The following CENPP variants were observed in gnomAD, a reference collection of about 807,000 sequenced individuals.
CENPP encodes centromere protein P.
In CENPP, 24 loss-of-function variants were observed where a neutral mutation model predicts 35.6. The observed-to-expected ratio is 0.67, with a 90% CI of 0.49 to 0.95. The LOEUF (loss-of-function observed/expected upper bound fraction) is 0.95. Ranked by LOEUF, CENPP falls within the 40% of genes least tolerant of loss-of-function variation. The probability of loss-of-function intolerance (pLI) is 0.00; values close to 1 mark genes in which losing one functional copy is unlikely to be tolerated. For missense variants in CENPP, 332 were observed against 345.3 expected (o/e 0.96, Z 0.31); for synonymous variants, 120 against 125.5 (o/e 0.96, Z 0.29).
chr9:92,474,380 T>G lies in CENPP; in HGVS notation c.564+94521T>G, dbSNP rs148322348. On this transcript the variant is annotated intron_variant, in intron 5 of 7. Coordinates refer to ENST00000375587, the MANE Select transcript of CENPP (RefSeq NM_001012267.3). ...GGGAATTAAAATTAAATGCTTTGATTTAACTGGGGAAGAGAAGGAAATGTT... is the reference window on the plus strand; with the variant it reads ...GGGAATTAAAATTAAATGCTTTGATGTAACTGGGGAAGAGAAGGAAATGTT... Among the ~76,000 whole-genome samples, 127 of 152,326 alleles carry G rather than the reference T, an allele frequency of 8.3e-4. 1 individual carries two copies. The East Asian group carries it at 0.023, about 28-fold the overall frequency.
chr9:92,525,448 G>A (rs1160941025), intron 5 of CENPP, among the ~76,000 whole-genome samples: 1 of 152,186 alleles, frequency 6.6e-6, no homozygotes, highest in African/African-American at 2.4e-5. Flanking sequence ...GTGACAAATT[G>A]CATATACCAT....
chr9:92,339,183 G>A (rs1048595775), intron 3 of CENPP, among the ~76,000 whole-genome samples: 3 of 152,162 alleles, frequency 2.0e-5, no homozygotes, highest in Non-Finnish European at 4.4e-5. Context: ...AGTAGTTGTT[G>A]TAACTGAGTC....
chr9:92,600,634 C>T lies in CENPP; in HGVS notation c.565-10680C>T, dbSNP rs144878221. 3.5e-4 allele frequency: 517 copies of T among 1,485,536 alleles called. 2 individuals carry two copies. In the African/African-American group the frequency reaches 6.1e-3, roughly 18 times the overall value. 92.0% of individuals were successfully genotyped at this position (1,485,536 alleles called of 1,614,324 possible). On this transcript the variant is annotated intron_variant, in intron 5 of 7. Transcript: ENST00000375587. Reference sequence around the variant, plus strand: ...AAGACAGCGCAAGTCATGCCCTGGTCGGCCATCCCTTCTGGTGGGGGTTGT... The same window carrying T: ...AAGACAGCGCAAGTCATGCCCTGGTTGGCCATCCCTTCTGGTGGGGGTTGT...
At chr9:92,410,577 T>C (rs897033115) in intron 5 of CENPP, among the ~76,000 whole-genome samples, 2 of 152,184 alleles carry the variant, frequency 1.3e-5, no homozygotes, top group African/African-American at 2.4e-5. Flanking sequence ...TTGTGAGATA[T>C]ATGATTTAAG....
At chr9:92,580,774 T>G (rs1456769647) in intron 5 of CENPP, among the ~76,000 whole-genome samples, 13 of 152,306 alleles carry the variant, frequency 8.5e-5, no homozygotes, top group Non-Finnish European at 1.8e-4. Flanking sequence ...CGTTAATTTT[T>G]GAAGGGTTTT....
intron 5 of CENPP, chr9:92,475,020 T>A: frequency 8.0e-7 from 1 of 1,257,790 alleles, no homozygotes; most frequent in Non-Finnish European, 1.0e-6. Context: ...AATGGCATTT[T>A]AATCCATTGC....
chr9:92,567,375 T>TAG lies in CENPP; in HGVS notation c.565-43938_565-43937insGA, dbSNP rs1554688253. 1.2e-3 allele frequency among the ~76,000 whole-genome samples: 99 copies of TAG among 81,848 alleles called. 1 individual carries two copies. Among genetic ancestry groups the TAG allele is most frequent in the South Asian group, 2.6e-3 (8 of 3,104 alleles). 53.7% of individuals were successfully genotyped at this position (81,848 alleles called of 152,430 possible). A position where few individuals can be genotyped will look rare whatever the true frequency, so the allele number is the denominator to read the frequency against. ...GGGGTATACAGTTACATAAGATAGA[T>TAG]ATATATATATATATATATATAGATA... On this transcript the variant is annotated intron_variant, in intron 5 of 7. Transcript: ENST00000375587.
intron 5 of CENPP, among the ~76,000 whole-genome samples, chr9:92,448,394 C>A (rs1318984266): frequency 6.6e-6 from 1 of 151,940 alleles, no homozygotes; most frequent in African/African-American, 2.4e-5. Flanking sequence ...CTCAGCCTCC[C>A]AAGTAGCTGG....
chr9:92,393,254 G>C (rs1274871388), intron 5 of CENPP: 1 of 1,553,848 alleles, frequency 6.4e-7, no homozygotes, highest in East Asian at 2.3e-5. Flanking sequence ...TCTAAATTGG[G>C]AATAAAATCA....
At position 92,441,208 on chromosome 9, in the gene CENPP, T is replaced by C. The variant is rs77764709; in HGVS notation, c.564+61349T>C. Among the ~76,000 whole-genome samples the C allele has an allele frequency of 4.5e-4, 68 of 152,338 alleles. 1 individual carries two copies. The East Asian group carries it at 0.011, about 25-fold the overall frequency. On this transcript the variant is annotated intron_variant, in intron 5 of 7. Coordinates refer to ENST00000375587, the MANE Select transcript of CENPP (RefSeq NM_001012267.3). ...GTGTTAAAATTAATCAAGCTACATA[T>C]TTATCATCTATGTACTTTTCTATAC...
intron 5 of CENPP, among the ~76,000 whole-genome samples, chr9:92,484,830 T>A (rs767521283): frequency 1.3e-5 from 2 of 152,172 alleles, no homozygotes; most frequent in African/African-American, 2.4e-5. Flanking sequence ...GCAGTTCCTG[T>A]AAGATTGTGT....
chr9:92,536,626 T>C (rs1243321145), intron 5 of CENPP: 1 of 152,360 alleles, frequency 6.6e-6, no homozygotes, highest in African/African-American at 2.4e-5. Context: ...ATTAGTTGTG[T>C]ACTTTGGCCT....
At chr9:92,405,702 T>C (rs1177098136) in intron 5 of CENPP, among the ~76,000 whole-genome samples, 1 of 152,226 alleles carries the variant, frequency 6.6e-6, no homozygotes, top group Non-Finnish European at 1.5e-5. Flanking sequence ...GCTGGATAGA[T>C]ACCATATGTC....
rs1307536831 is a variant in CENPP at position 92,616,775 on chromosome 9, CTG to C, written c.*3632_*3633del. 6.6e-6 allele frequency: 1 copy of C among 152,324 alleles called. No individual in the cohort carries two copies. Among genetic ancestry groups the C allele is most frequent in the South Asian group, 2.1e-4 (1 of 4,836 alleles). 9.4% of individuals were successfully genotyped at this position (152,324 alleles called of 1,614,324 possible). On this transcript the variant is annotated 3_prime_UTR_variant, in exon 8 of 8. Transcript: ENST00000375587. ...TACTCCGAGTCCTGAGCTCTGACTG[CTG>C]TGTGTCCCGCTTTTCGTCTCCGGGC...
At chr9:92,422,054 C>T (rs1407818908) in intron 5 of CENPP, among the ~76,000 whole-genome samples, 2 of 146,208 alleles carry the variant, frequency 1.4e-5, no homozygotes, top group Non-Finnish European at 3.0e-5. Flanking sequence ...AACATATTAA[C>T]TTTTTTTTTT....
At chr9:92,604,741 T>C (rs1277286626) in intron 5 of CENPP, among the ~76,000 whole-genome samples, 26 of 151,004 alleles carry the variant, frequency 1.7e-4, no homozygotes, top group Admixed American at 1.7e-3. Flanking sequence ...ATTAAAGGCA[T>C]GTGACACTAT....
intron 5 of CENPP, among the ~76,000 whole-genome samples, chr9:92,532,013 A>ATTTTTTTTTT: frequency 1.5e-5 from 1 of 68,946 alleles, no homozygotes; most frequent in African/African-American, 1.2e-4. Context: ...TTTTTATTTA[A>ATTTTTTTTTT]TGTTTTTTTT....
intron 5 of CENPP, among the ~76,000 whole-genome samples, chr9:92,419,850 T>C (rs943338713): frequency 1.2e-4 from 18 of 152,198 alleles, no homozygotes; most frequent in African/African-American, 4.3e-4. Context: ...CTCCTGTTCA[T>C]GTAGAATGGT....
intron 4 of CENPP, among the ~76,000 whole-genome samples, chr9:92,376,548 G>A (rs1391735969): frequency 6.6e-6 from 1 of 152,194 alleles, no homozygotes; most frequent in East Asian, 1.9e-4. Flanking sequence ...ACAGTCAAAT[G>A]CAGGTTTTAC....
Sources: allele counts gnomAD v4.1 joint callset (sites outside exome capture counted in the v4.1 genomes callset), GRCh38; gene constraint gnomAD v4.1.1; transcripts MANE v1.5; gene names NCBI Gene and HGNC (gene_info 2026-07-23, HGNC 2026-07-21).